ARHGAP32: variants seen among roughly 807,000 people sequenced by gnomAD.
The protein encoded by ARHGAP32 is Rho GTPase activating protein 32.
ARHGAP32 carries 51 observed loss-of-function variants against 186.5 expected under a neutral mutation model. The ratio of observed to expected loss-of-function variants is 0.27; its 90% CI spans 0.22 to 0.35. ARHGAP32 has a LOEUF of 0.35. Among genes scored for constraint, ARHGAP32 ranks in the 10% least tolerant of loss-of-function variants. ARHGAP32 has a pLI of 1.00. For missense variants in ARHGAP32, 2,186 were observed against 2,623.5 expected (o/e 0.83, Z 3.64); for synonymous variants, 950 against 964.3 (o/e 0.99, Z 0.27).
At chr11:128,982,080 T>G in intron 15 of ARHGAP32, 144 bp from the exon 16 acceptor site, 1 of 515,052 alleles carries the variant, frequency 1.9e-6, no homozygotes, top group East Asian at 3.2e-5. Context: ...TTTTTCCTGC[T>G]TAACAGGTTG....
At chr11:128,980,278 T>C (rs1945670224) in intron 18 of ARHGAP32, among the ~76,000 whole-genome samples, 1 of 152,230 alleles carries the variant, frequency 6.6e-6, no homozygotes, top group Non-Finnish European at 1.5e-5. Context: ...TCAACCCATA[T>C]AGTGACAGTA....
Position 128,968,924 on chromosome 11 carries a change from G to A in ARHGAP32, c.6289C>T (p.Gln2097Ter). The change falls in exon 23 of 23, where the codon CAG becomes TAG. Residue 2097 changes from glutamine to a stop codon, truncating the protein, a stop_gained. Transcript: ENST00000682385. LOFTEE classifies it high-confidence loss of function. Reference protein sequence around the residue: ...AELSLQHPETQIHAE With the variant: ...AELSLQHPET ...CGCAGGGCTCATTCTGCATGGATCT[G>A]TGTTTCAGGATGCTGCAAGGACAAC... 11 of 1,538,284 alleles carry A rather than the reference G, an allele frequency of 7.2e-6. No individual in the cohort carries two copies. The highest frequency in any genetic ancestry group is 9.7e-6 in the Non-Finnish European group (11 of 1,137,220).
intron 6 of ARHGAP32, among the ~76,000 whole-genome samples, chr11:129,068,185 G>A (rs1006265929): frequency 2.0e-5 from 3 of 151,990 alleles, no homozygotes; most frequent in Admixed American, 2.0e-4. Context: ...ACATTTCACA[G>A]CTTTTATCAT....
chr11:129,268,968 G>C (rs1424832237), intron 1 of ARHGAP32, among the ~76,000 whole-genome samples: 4 of 152,186 alleles, frequency 2.6e-5, no homozygotes, highest in Admixed American at 2.0e-4. Context: ...CAGAGAGAGG[G>C]GGGTTATAAA....
At chr11:129,053,629 A>G (rs928723603) in intron 10 of ARHGAP32, among the ~76,000 whole-genome samples, 1 of 152,178 alleles carries the variant, frequency 6.6e-6, no homozygotes, top group Non-Finnish European at 1.5e-5. Context: ...TTAACCCTTT[A>G]TGCTTTAGTT....
At chr11:128,983,571 C>T (rs1640415464) in intron 15 of ARHGAP32, among the ~76,000 whole-genome samples, 1 of 151,580 alleles carries the variant, frequency 6.6e-6, no homozygotes, top group African/African-American at 2.4e-5. Context: ...TGCAGCACAC[C>T]AACATGGCAC....
Position 129,192,117 on chromosome 11 carries a change from C to CA in ARHGAP32, c.81dup (p.Asp28Ter). 1 of 1,613,810 alleles carries CA rather than the reference C, an allele frequency of 6.2e-7. No individual in the cohort carries two copies. Among genetic ancestry groups the CA allele is most frequent in the Non-Finnish European group, 8.5e-7 (1 of 1,179,790 alleles). On this transcript the variant is annotated frameshift_variant, in exon 1 of 23. Transcript: ENST00000682385. LOFTEE classifies it high-confidence loss of function. ...TCTTCCCTTTCTTCCTCTTCACAGT[C>CA]AGTCACCTGGATTATAACTTCAGAC...
rs778106182 is a variant in ARHGAP32 at position 128,973,019 on chromosome 11, C to G, written c.3487G>C (p.Gly1163Arg). 191 of 1,613,952 alleles carry G rather than the reference C, an allele frequency of 1.2e-4. No individual in the cohort carries two copies. The highest frequency in any genetic ancestry group is 1.6e-4 in the Non-Finnish European group (185 of 1,180,042). Residue 1163 changes from glycine to arginine, a missense_variant, in exon 22 of 23, where the codon GGG (glycine) becomes CGG (arginine). Transcript: ENST00000682385. The stretch of plus-strand genomic sequence containing the variant: ...AAATATGCTTGATGTGGCTGATTCC[C>G]TGTTAAGTCTACTTGGTGATGTTGC... ...GEQHHQVDLT[G>R]NQPHQAYLSG...
chr11:129,094,838 T>C (rs1236599815), intron 5 of ARHGAP32, among the ~76,000 whole-genome samples: 3 of 152,214 alleles, frequency 2.0e-5, no homozygotes, highest in Non-Finnish European at 4.4e-5. Context: ...CAATGTAATA[T>C]TGACCTACCT....
intron 1 of ARHGAP32, among the ~76,000 whole-genome samples, chr11:129,184,298 G>A (rs1944112547): frequency 6.6e-6 from 1 of 152,102 alleles, no homozygotes; most frequent in Non-Finnish European, 1.5e-5. Context: ...AAAGGGCAAA[G>A]AAGCGCAGAT....
chr11:129,278,580 GA>G (rs1451198530), intron 1 of ARHGAP32, among the ~76,000 whole-genome samples: 1 of 152,048 alleles, frequency 6.6e-6, no homozygotes, highest in Non-Finnish European at 1.5e-5. Flanking sequence ...AAGCGAGGGG[GA>G]AAAAAGGCAC....
At chr11:129,054,532 T>C (rs1291728106) in intron 10 of ARHGAP32, among the ~76,000 whole-genome samples, 2 of 152,198 alleles carry the variant, frequency 1.3e-5, no homozygotes, top group Non-Finnish European at 2.9e-5. Context: ...TGAGAGACAC[T>C]GCACATAACA....
At position 128,970,797 on chromosome 11, in the gene ARHGAP32, T is replaced by G; in HGVS notation, c.4416A>C (p.Pro1472=). 6.2e-7 allele frequency: 1 copy of G among 1,613,880 alleles called. No individual in the cohort carries two copies. The highest frequency in any genetic ancestry group is 8.5e-7 in the Non-Finnish European group (1 of 1,179,950). Residue 1472 remains proline (P), a synonymous_variant, in exon 23 of 23, where the codon CCA becomes CCC. Coordinates refer to ENST00000682385, the MANE Select transcript of ARHGAP32 (RefSeq NM_001378024.1). This position sits in a 1 kb window ranked among gnomAD's most constrained non-coding sequence, Gnocchi z 5.8. The stretch of plus-strand genomic sequence containing the variant: ...CATGCTTAGGTTGTGGGACAGGAAG[T>G]GGTAAAGGCAATGCATCGTCCACAG... ...STSVDDALPL[P]LPVPQPKHAS...
chr11:129,124,811 A>T lies in ARHGAP32; in HGVS notation c.309T>A (p.His103Gln), dbSNP rs1389917618. 3 of 1,599,130 alleles carry T rather than the reference A, an allele frequency of 1.9e-6. No individual in the cohort carries two copies. Among genetic ancestry groups the T allele is most frequent in the Non-Finnish European group, 1.7e-6 (2 of 1,174,384 alleles). Residue 103 changes from histidine to glutamine, a missense_variant, in exon 3 of 23, where the codon CAT (histidine) becomes CAA (glutamine). Coordinates refer to ENST00000682385, the MANE Select transcript of ARHGAP32 (RefSeq NM_001378024.1). ...CGSTASMKVKHVKKSTTPGLM... is the reference protein window; with the variant it reads ...CGSTASMKVKQVKKSTTPGLM... ...TGTAAAGTTATACTCACTTTTTCAC[A>T]TGCTTAACCTTCATACTGGCTGTAC...
At chr11:129,161,690 T>C (rs1396060547) in intron 2 of ARHGAP32, among the ~76,000 whole-genome samples, 1 of 152,194 alleles carries the variant, frequency 6.6e-6, no homozygotes, top group Non-Finnish European at 1.5e-5. Flanking sequence ...ACTTTTACAC[T>C]GTTGGTGGGA....
rs192066424 is a variant in ARHGAP32 at position 129,044,834 on chromosome 11, A to C, written c.964-3825T>G. Among the ~76,000 whole-genome samples the C allele has an allele frequency of 2.0e-3, 307 of 152,222 alleles. 4 individuals carry two copies. The highest frequency in any genetic ancestry group is 0.018 in the Admixed American group (281 of 15,284). On this transcript the variant is annotated intron_variant, in intron 10 of 22. Transcript: ENST00000682385. Reference sequence around the variant, plus strand: ...TTAGGGATAACACTACCTATACCTCAAAGAGTTTATGTGAAAGTAACTGCC... The same window carrying C: ...TTAGGGATAACACTACCTATACCTCCAAGAGTTTATGTGAAAGTAACTGCC...
chr11:129,063,634 T>TG (rs142063090), intron 9 of ARHGAP32, among the ~76,000 whole-genome samples: 1,912 of 152,112 alleles, frequency 0.013, 37 homozygotes, highest in South Asian at 0.044. Flanking sequence ...ATTCAGGTTT[T>TG]GGGGGGTATG....
At chr11:129,162,886 A>C (rs988599400) in intron 2 of ARHGAP32, among the ~76,000 whole-genome samples, 1 of 152,172 alleles carries the variant, frequency 6.6e-6, no homozygotes, top group Non-Finnish European at 1.5e-5. Context: ...TAAAACAAGA[A>C]GGGAGATTTC....
intron 1 of ARHGAP32, among the ~76,000 whole-genome samples, chr11:129,237,822 T>TTTTTGCAAAAGAGGA (rs1944956268): frequency 6.6e-6 from 1 of 152,120 alleles, no homozygotes; most frequent in Admixed American, 6.5e-5. Context: ...TGACTCTCCT[T>TTTTTGCAAAAGAGGA]ACACTGAGAA....
Sources: allele counts gnomAD v4.1 joint callset (sites outside exome capture counted in the v4.1 genomes callset), GRCh38; gene constraint gnomAD v4.1.1; non-coding constraint Gnocchi (gnomAD v3.1); transcripts MANE v1.5; gene names NCBI Gene and HGNC (gene_info 2026-07-23, HGNC 2026-07-21).